FBXW7: variants seen among roughly 807,000 people sequenced by gnomAD.
FBXW7 encodes the protein F-box/WD repeat-containing protein 7.
FBXW7 carries 11 observed loss-of-function variants against 86.3 expected under a neutral mutation model. That is an observed-to-expected ratio of 0.13 (90% CI 0.08 to 0.21). The LOEUF (loss-of-function observed/expected upper bound fraction) is 0.21, where lower values mean the gene tolerates loss of function less well. Among genes scored for constraint, FBXW7 ranks in the 10% least tolerant of loss-of-function variants. The pLI, the probability that FBXW7 is intolerant of heterozygous loss-of-function variation, is 1.00. For synonymous variants in FBXW7, 313 were observed against 297.9 expected (o/e 1.05, Z -0.52); for missense variants, 488 against 847.4 (o/e 0.58, Z 5.27).
Position 152,471,540 on chromosome 4 carries a change from A to AAGGAAGGAAGGAGAG in FBXW7, c.-119-59026_-119-59012dup, listed in dbSNP as rs1223381190. Among the ~76,000 whole-genome samples the AAGGAAGGAAGGAGAG allele has an allele frequency of 4.7e-5, 7 of 149,464 alleles. 1 individual carries two copies. Among genetic ancestry groups the AAGGAAGGAAGGAGAG allele is most frequent in the Admixed American group, 4.0e-4 (6 of 14,968 alleles). On this transcript the variant is annotated intron_variant, in intron 2 of 13. Coordinates refer to ENST00000281708, the MANE Select transcript of FBXW7 (RefSeq NM_001349798.2). ...GAGGGAGGGAGGGAGGGAAGGATGG[A>AAGGAAGGAAGGAGAG]AGGAAGGAAGGAGAGAGAAAGGAAG...
intron 2 of FBXW7, among the ~76,000 whole-genome samples, chr4:152,440,115 G>A (rs896392977): frequency 6.6e-6 from 1 of 152,142 alleles, no homozygotes; most frequent in Non-Finnish European, 1.5e-5. Flanking sequence ...AACAAATACA[G>A]ACTGTAATAG....
chr4:152,450,818 C>T (rs1421023644), intron 2 of FBXW7, among the ~76,000 whole-genome samples: 1 of 152,184 alleles, frequency 6.6e-6, no homozygotes, highest in Non-Finnish European at 1.5e-5. Context: ...ACTAGCTATT[C>T]AGTCTGCATC....
At chr4:152,482,221 T>C (rs549609259) in intron 2 of FBXW7, among the ~76,000 whole-genome samples, 2 of 152,336 alleles carry the variant, frequency 1.3e-5, no homozygotes, top group East Asian at 3.9e-4. Context: ...AAAAACTCAG[T>C]TGATCATTAT....
intron 2 of FBXW7, among the ~76,000 whole-genome samples, chr4:152,483,642 G>A (rs1278406516): frequency 3.3e-5 from 5 of 152,068 alleles, no homozygotes; most frequent in Non-Finnish European, 2.9e-5. Flanking sequence ...AGGCTGCAAT[G>A]AGCCATGATC....
rs1019705879 is a variant in FBXW7, at chr4:152,535,394, G to A, written c.-480C>T. On this transcript the variant is annotated 5_prime_UTR_variant, in exon 1 of 14. Transcript: ENST00000281708. ...TGGCCAAGGGAGAAGACCCCCGGAG[G>A]GGGCTGAGGGGAGGGGGAAGGTGAG... 2 of 385,108 alleles carry A rather than the reference G, an allele frequency of 5.2e-6. No individual in the cohort carries two copies. The highest frequency in any genetic ancestry group is 2.1e-5 in the African/African-American group (1 of 48,140). The allele number at this position is 385,108 out of a possible 1,614,324, so 23.9% of individuals were successfully genotyped here.
At chr4:152,520,224 G>C (rs1579420415) in intron 2 of FBXW7, among the ~76,000 whole-genome samples, 2 of 151,914 alleles carry the variant, frequency 1.3e-5, no homozygotes, top group Middle Eastern at 6.8e-3. Flanking sequence ...ATGAGGTCAG[G>C]AGATCGAGAC....
At chr4:152,448,316 T>C (rs1008605013) in intron 2 of FBXW7, among the ~76,000 whole-genome samples, 2 of 152,230 alleles carry the variant, frequency 1.3e-5, no homozygotes, top group African/African-American at 4.8e-5. Context: ...CAAAATGATA[T>C]TGGATATCTA....
intron 2 of FBXW7, among the ~76,000 whole-genome samples, chr4:152,512,674 T>C (rs1748087512): frequency 6.6e-6 from 1 of 152,084 alleles, no homozygotes; most frequent in Admixed American, 6.6e-5. Context: ...TTATAAGAAA[T>C]GTCTAAAATA....
At chr4:152,427,525 C>T (rs1739493286) in intron 2 of FBXW7, among the ~76,000 whole-genome samples, 1 of 152,172 alleles carries the variant, frequency 6.6e-6, no homozygotes, top group Non-Finnish European at 1.5e-5. Flanking sequence ...TGACATTAGT[C>T]TGGGAACTTA....
At chr4:152,430,745 G>A (rs1359857987) in intron 2 of FBXW7, among the ~76,000 whole-genome samples, 2 of 151,946 alleles carry the variant, frequency 1.3e-5, no homozygotes, top group Admixed American at 6.5e-5. Context: ...ATTTTGACTG[G>A]TTTCTATTTT....
chr4:152,338,006 C>T (rs1730331500), intron 6 of FBXW7, 70 bp from the exon 7 acceptor site: 2 of 1,474,708 alleles, frequency 1.4e-6, no homozygotes, highest in South Asian at 2.7e-5. Flanking sequence ...TAAAGGAAAA[C>T]TCACATCTAC....
intron 4 of FBXW7, among the ~76,000 whole-genome samples, chr4:152,396,919 T>A (rs1462293456): frequency 6.6e-6 from 1 of 151,978 alleles, no homozygotes; most frequent in African/African-American, 2.4e-5. Flanking sequence ...AGGACTAACA[T>A]CTCGGTAAAA....
chr4:152,386,201 C>A (rs1214094067), intron 4 of FBXW7, among the ~76,000 whole-genome samples: 1 of 151,962 alleles, frequency 6.6e-6, no homozygotes, highest in Admixed American at 6.6e-5. Context: ...TAAAAACAGA[C>A]AAGCTCTTTT....
chr4:152,346,689 A>T (rs1367261707), intron 6 of FBXW7: 5 of 448,920 alleles, frequency 1.1e-5, no homozygotes, highest in Non-Finnish European at 1.6e-5. Context: ...TCCTCCCCTC[A>T]TTGTCAGGCA....
At chr4:152,344,775 C>G (rs962375556) in intron 6 of FBXW7, among the ~76,000 whole-genome samples, 1 of 151,932 alleles carries the variant, frequency 6.6e-6, no homozygotes, top group African/African-American at 2.4e-5. Context: ...GAGAAATATC[C>G]TAGATAGCAA....
At chr4:152,334,648 T>C (rs1193308207) in intron 7 of FBXW7, among the ~76,000 whole-genome samples, 1 of 152,170 alleles carries the variant, frequency 6.6e-6, no homozygotes, top group South Asian at 2.1e-4. Flanking sequence ...ATTTCAAAAG[T>C]ACATCCCCAA....
chr4:152,347,764 TCAAA>T (rs998188020), intron 5 of FBXW7, among the ~76,000 whole-genome samples: 3 of 152,192 alleles, frequency 2.0e-5, no homozygotes, highest in Non-Finnish European at 2.9e-5. Context: ...TTTAACTGTC[TCAAA>T]CAAACTTGAA....
rs1728504425 is a variant in FBXW7, at chr4:152,320,716, T to C, written c.*2165A>G. On this transcript the variant is annotated 3_prime_UTR_variant, in exon 14 of 14. Transcript: ENST00000281708. ...TCAAACTTTCTTAAAGAGCAGCATG[T>C]ATTTAGTCTTTGGAAATATGGGTTT... 6.6e-6 allele frequency: 1 copy of C among 152,122 alleles called. No homozygotes were observed. The highest frequency in any genetic ancestry group is 2.1e-4 in the South Asian group (1 of 4,822). 9.4% of individuals were successfully genotyped at this position (152,122 alleles called of 1,614,324 possible).
At chr4:152,414,503 G>A (rs1043019648) in intron 2 of FBXW7, among the ~76,000 whole-genome samples, 14 of 152,068 alleles carry the variant, frequency 9.2e-5, no homozygotes, top group Admixed American at 6.6e-4. Flanking sequence ...AGTATCATTC[G>A]TGGCTGTGAA....
Sources: allele counts gnomAD v4.1 joint callset (sites outside exome capture counted in the v4.1 genomes callset), GRCh38; gene constraint gnomAD v4.1.1; transcripts MANE v1.5; gene names NCBI Gene and HGNC (gene_info 2026-07-23, HGNC 2026-07-21).